Variants in USH2A observed in about 807,000 individuals in gnomAD.
USH2A encodes the protein Usher syndrome 2A (autosomal recessive, mild).
In USH2A, 443 loss-of-function variants were observed where a neutral mutation model predicts 538.9. That is an observed-to-expected ratio of 0.82 (90% CI 0.76 to 0.89). The LOEUF (loss-of-function observed/expected upper bound fraction) is 0.89. Ranked by LOEUF, USH2A falls within the 40% of genes least tolerant of loss-of-function variation. USH2A has a pLI of 0.00. For synonymous variants in USH2A, 2,413 were observed against 2,273.5 expected, an observed-to-expected ratio of 1.06 and a Z score of -1.75; for missense variants, 6,633 against 6,324.8, an observed-to-expected ratio of 1.05 and a Z score of -1.65.
At chr1:215,715,452 C>T (rs1659456738) in intron 61 of USH2A, among the ~76,000 whole-genome samples, 2 of 152,106 alleles carry the variant, frequency 1.3e-5, no homozygotes, top group Admixed American at 6.6e-5. Context: ...GTTGTGGTAC[C>T]AGATGTGTAC....
intron 55 of USH2A, among the ~76,000 whole-genome samples, chr1:215,779,560 T>C (rs930566985): frequency 3.9e-5 from 6 of 152,160 alleles, no homozygotes; most frequent in Non-Finnish European, 8.8e-5. Context: ...TGCATCTTAC[T>C]GTTTGTTTGA....
intron 35 of USH2A, among the ~76,000 whole-genome samples, chr1:215,984,953 A>G (rs1193205080): frequency 1.3e-5 from 2 of 152,202 alleles, no homozygotes; most frequent in Non-Finnish European, 2.9e-5. Context: ...ATAATGCCTT[A>G]TTACTGTTAT....
chr1:215,911,435 A>G (rs1241695153), intron 38 of USH2A, among the ~76,000 whole-genome samples: 1 of 151,448 alleles, frequency 6.6e-6, no homozygotes, highest in Non-Finnish European at 1.5e-5. Flanking sequence ...TAGATCCCAC[A>G]GATAAATGAG....
At chr1:216,332,040 C>T (rs1571710542) in intron 4 of USH2A, among the ~76,000 whole-genome samples, 1 of 152,228 alleles carries the variant, frequency 6.6e-6, no homozygotes, top group East Asian at 1.9e-4. Flanking sequence ...TTTAGCTTTC[C>T]TATTCCCGTA....
chr1:216,351,007 T>C (rs897887397), intron 4 of USH2A, among the ~76,000 whole-genome samples: 1 of 152,154 alleles, frequency 6.6e-6, no homozygotes, highest in African/African-American at 2.4e-5. Context: ...CTTCAATTCT[T>C]GCATTCCACA....
intron 41 of USH2A, among the ~76,000 whole-genome samples, chr1:215,886,026 G>C (rs1230603043): frequency 6.6e-6 from 1 of 152,112 alleles, no homozygotes; most frequent in Non-Finnish European, 1.5e-5. Flanking sequence ...GATCTCTTCT[G>C]TGTCCCTACT....
At chr1:216,157,673 G>A (rs906201524) in intron 21 of USH2A, among the ~76,000 whole-genome samples, 1 of 152,146 alleles carries the variant, frequency 6.6e-6, no homozygotes, top group Non-Finnish European at 1.5e-5. Flanking sequence ...CAGCAACATG[G>A]ATGCAGTTGG....
At chr1:216,249,627 G>C (rs567375817) in intron 12 of USH2A, among the ~76,000 whole-genome samples, 24 of 152,016 alleles carry the variant, frequency 1.6e-4, no homozygotes, top group Admixed American at 1.3e-4. Context: ...GATGCATATA[G>C]GTAAATTATG....
intron 21 of USH2A, among the ~76,000 whole-genome samples, chr1:216,153,669 C>T (rs2033884174): frequency 6.6e-6 from 1 of 152,052 alleles, no homozygotes; most frequent in Non-Finnish European, 1.5e-5. Context: ...TAGATATTGC[C>T]TCATACATGC....
At chr1:216,277,758 T>C (rs1461544929) in intron 11 of USH2A, among the ~76,000 whole-genome samples, 2 of 152,174 alleles carry the variant, frequency 1.3e-5, no homozygotes, top group Admixed American at 1.3e-4. Flanking sequence ...ATGGCAATGA[T>C]AGCAGAAGCG....
intron 58 of USH2A, among the ~76,000 whole-genome samples, chr1:215,747,762 G>A (rs1660513207): frequency 6.6e-6 from 1 of 152,066 alleles, no homozygotes; most frequent in Non-Finnish European, 1.5e-5. Flanking sequence ...GAATGACAAA[G>A]CATTCCATAT....
chr1:216,147,218 C>T (rs967223947), intron 21 of USH2A, among the ~76,000 whole-genome samples: 1 of 152,030 alleles, frequency 6.6e-6, no homozygotes, highest in Non-Finnish European at 1.5e-5. Context: ...CTCCCTTCCT[C>T]CCCAGGTTGT....
At chr1:216,013,934 A>G (rs1351032161) in intron 32 of USH2A, among the ~76,000 whole-genome samples, 1 of 152,214 alleles carries the variant, frequency 6.6e-6, no homozygotes, top group Non-Finnish European at 1.5e-5. Context: ...TGTAAACATA[A>G]TACAAAGAAA....
chr1:215,988,204 C>T (rs1051854393), intron 35 of USH2A, among the ~76,000 whole-genome samples: 19 of 152,078 alleles, frequency 1.2e-4, no homozygotes, highest in Admixed American at 1.2e-3. Flanking sequence ...TCCACCCAGA[C>T]CTTGGTAACC....
At chr1:216,053,745 C>T (rs369363063) in intron 30 of USH2A, among the ~76,000 whole-genome samples, 32 of 152,122 alleles carry the variant, frequency 2.1e-4, no homozygotes, top group African/African-American at 2.9e-4. Context: ...CACTGCTAAG[C>T]GATAATGCAT....
rs766831217 is a variant in USH2A at position 216,198,625 on chromosome 1, A to C, written c.3812-41T>G. On this transcript the variant is annotated intron_variant, in intron 17 of 71. Coordinates refer to ENST00000307340, the MANE Select transcript of USH2A (RefSeq NM_206933.4). ...AGTGAACCTACGTAACTCATCAGAC[A>C]AAGGGGTTACTTTAGGGGTAGGGTA... The C allele has an allele frequency of 2.6e-5, 42 of 1,589,666 alleles. No homozygotes were observed. In the African/African-American group the frequency reaches 5.4e-4, roughly 20 times the overall value.
At chr1:216,003,290 T>A (rs1668309990) in intron 32 of USH2A, among the ~76,000 whole-genome samples, 1 of 152,056 alleles carries the variant, frequency 6.6e-6, no homozygotes, top group Non-Finnish European at 1.5e-5. Context: ...TTATCCAAGG[T>A]ATTATGAAGT....
At chr1:215,756,669 T>C (rs1470680547) in intron 58 of USH2A, among the ~76,000 whole-genome samples, 1 of 152,152 alleles carries the variant, frequency 6.6e-6, no homozygotes, top group Non-Finnish European at 1.5e-5. Context: ...CTCATGCCCG[T>C]AATCCCAGCA....
intron 14 of USH2A, among the ~76,000 whole-genome samples, chr1:216,218,515 C>T (rs961043953): frequency 2.6e-5 from 4 of 152,028 alleles, no homozygotes; most frequent in African/African-American, 4.8e-5. Context: ...AGATGCTGAA[C>T]GGATGGAGTT....
Sources: allele counts gnomAD v4.1 joint callset (sites outside exome capture counted in the v4.1 genomes callset), GRCh38; gene constraint gnomAD v4.1.1; transcripts MANE v1.5; gene names NCBI Gene and HGNC (gene_info 2026-07-23, HGNC 2026-07-21).